RPS6KC1: variants seen among roughly 807,000 people sequenced by gnomAD.
RPS6KC1 encodes inactive ribosomal protein S6 kinase delta-1.
A neutral mutation model predicts 103.8 loss-of-function variants in RPS6KC1; 54 were observed. That is an observed-to-expected ratio of 0.52 (90% CI 0.42 to 0.65). The LOEUF (loss-of-function observed/expected upper bound fraction) is 0.65. RPS6KC1 is among the 30% of genes least tolerant of loss of function. The probability of loss-of-function intolerance (pLI) is 0.00; values close to 1 mark genes in which losing one functional copy is unlikely to be tolerated. For missense variants in RPS6KC1, 1,151 were observed against 1,253.8 expected, an observed-to-expected ratio of 0.92 and a Z score of 1.24; for synonymous variants, 439 against 438.7, an observed-to-expected ratio of 1.00 and a Z score of -0.01.
At chr1:213,650,753 T>G in the RPS6KC1 span, among the ~76,000 whole-genome samples, 6 of 152,224 alleles carry the variant, frequency 3.9e-5, no homozygotes, top group Admixed American at 3.9e-4. Context: ...TTGACCTTGG[T>G]CACTGATGAC....
the RPS6KC1 span, among the ~76,000 whole-genome samples, chr1:213,762,864 G>GTT: frequency 0.041 from 5,718 of 140,700 alleles, 158 homozygotes; most frequent in Non-Finnish European, 0.061. Context: ...ATTTTTTTAC[G>GTT]TTTTTTTTTT....
At chr1:213,652,874 GA>G in the RPS6KC1 span, among the ~76,000 whole-genome samples, 1 of 152,188 alleles carries the variant, frequency 6.6e-6, no homozygotes, top group East Asian at 1.9e-4. Context: ...TCAGAGTCAT[GA>G]AAATTTAATA....
At chr1:213,596,538 G>C in the RPS6KC1 span, among the ~76,000 whole-genome samples, 1 of 152,230 alleles carries the variant, frequency 6.6e-6, no homozygotes, top group African/African-American at 2.4e-5. Context: ...CTATCAACAT[G>C]TGTCCACTTT....
the RPS6KC1 span, among the ~76,000 whole-genome samples, chr1:213,338,714 T>C: frequency 1.3e-5 from 2 of 151,822 alleles, no homozygotes; most frequent in African/African-American, 4.8e-5. Flanking sequence ...ATGTTTTGAC[T>C]AATAGAATGT....
At chr1:213,678,372 G>T in the RPS6KC1 span, among the ~76,000 whole-genome samples, 1 of 152,200 alleles carries the variant, frequency 6.6e-6, no homozygotes, top group Non-Finnish European at 1.5e-5. Flanking sequence ...TGTCATTCAG[G>T]GTCCTGCTCA....
At chr1:213,209,106 A>T (rs1280526734) in intron 8 of RPS6KC1, among the ~76,000 whole-genome samples, 1 of 151,942 alleles carries the variant, frequency 6.6e-6, no homozygotes, top group East Asian at 1.9e-4. Context: ...ACTTGGAGGG[A>T]TACAAACGCA....
chr1:213,106,161 T>C (rs2082468176), intron 4 of RPS6KC1, among the ~76,000 whole-genome samples: 1 of 152,142 alleles, frequency 6.6e-6, no homozygotes, highest in African/African-American at 2.4e-5. Flanking sequence ...TTTAACAGCG[T>C]GCTAGGCGGG....
the RPS6KC1 span, among the ~76,000 whole-genome samples, chr1:213,390,246 A>G: frequency 6.6e-6 from 1 of 152,328 alleles, no homozygotes; most frequent in Non-Finnish European, 1.5e-5. Flanking sequence ...CAAAATGCCC[A>G]ATAGTTGGAT....
the RPS6KC1 span, among the ~76,000 whole-genome samples, chr1:213,322,789 T>C: frequency 6.6e-6 from 1 of 152,002 alleles, no homozygotes; most frequent in African/African-American, 2.4e-5. Flanking sequence ...TACATTCTTG[T>C]TGCCCAGGCT....
the RPS6KC1 span, among the ~76,000 whole-genome samples, chr1:213,476,247 G>T: frequency 6.6e-6 from 1 of 152,120 alleles, no homozygotes; most frequent in Non-Finnish European, 1.5e-5. Context: ...CCCCCTGCTT[G>T]GTCACATGAC....
chr1:213,286,887 A>C, the RPS6KC1 span, among the ~76,000 whole-genome samples: 4 of 152,224 alleles, frequency 2.6e-5, no homozygotes, highest in African/African-American at 9.6e-5. Flanking sequence ...GAAATACAGA[A>C]GGCACAGAAA....
the RPS6KC1 span, among the ~76,000 whole-genome samples, chr1:213,742,199 C>G: frequency 6.6e-6 from 1 of 152,172 alleles, no homozygotes; most frequent in Non-Finnish European, 1.5e-5. Context: ...AAAATTTGCT[C>G]TTACCCTGCA....
chr1:213,154,406 A>G (rs1023765705), intron 6 of RPS6KC1, among the ~76,000 whole-genome samples: 3 of 152,230 alleles, frequency 2.0e-5, no homozygotes, highest in Admixed American at 6.5e-5. Context: ...GACTAGAATC[A>G]AAAACCTTAG....
intron 5 of RPS6KC1, among the ~76,000 whole-genome samples, chr1:213,126,186 A>C (rs1201262675): frequency 6.6e-6 from 1 of 152,160 alleles, no homozygotes; most frequent in Non-Finnish European, 1.5e-5. Flanking sequence ...AAATACATAA[A>C]ATATTTAAAA....
Position 213,095,262 on chromosome 1 carries a change from C to CTT in RPS6KC1, c.263-9188_263-9187dup, listed in dbSNP as rs201499065. Among the ~76,000 whole-genome samples, 736 of 152,244 alleles carry CTT rather than the reference C, an allele frequency of 4.8e-3. 5 individuals carry two copies. The highest frequency in any genetic ancestry group is 0.014 in the African/African-American group (602 of 41,540). ...CCAGAGAATCTTGACCTCTCTCTTT[C>CTT]TTTTTACTCTGTGAATGAACTTTTG... On this transcript the variant is annotated intron_variant, in intron 3 of 14. Transcript: ENST00000366960.
chr1:213,723,031 T>C, the RPS6KC1 span, among the ~76,000 whole-genome samples: 1 of 151,994 alleles, frequency 6.6e-6, no homozygotes, highest in Admixed American at 6.6e-5. Flanking sequence ...ATACAAAAAA[T>C]TAGCCAGGCA....
At chr1:213,438,920 A>G in the RPS6KC1 span, among the ~76,000 whole-genome samples, 1 of 151,096 alleles carries the variant, frequency 6.6e-6, no homozygotes, top group South Asian at 2.1e-4. Context: ...CAGCCTCCCG[A>G]GTAGCTGGGA....
the RPS6KC1 span, among the ~76,000 whole-genome samples, chr1:213,718,772 C>G: frequency 1.3e-5 from 2 of 152,164 alleles, no homozygotes; most frequent in Non-Finnish European, 2.9e-5. Flanking sequence ...AGGTGCTTCT[C>G]TGATTTGCAC....
chr1:213,291,815 C>T, the RPS6KC1 span, among the ~76,000 whole-genome samples: 548 of 152,322 alleles, frequency 3.6e-3, 5 homozygotes, highest in African/African-American at 0.012. Flanking sequence ...AGTAACCCAG[C>T]TTCCTTTCTT....
Sources: gnomAD v4.1 joint callset for allele counts (sites outside exome capture counted in the v4.1 genomes callset) on GRCh38, gnomAD v4.1.1 for gene constraint, MANE v1.5 for transcripts, NCBI Gene and HGNC (gene_info 2026-07-23, HGNC 2026-07-21) for gene names.